The following MYO1H variants were observed in gnomAD, a reference collection of about 807,000 sequenced individuals.
MYO1H encodes myosin IH.
MYO1H carries 118 observed loss-of-function variants against 149.3 expected under a neutral mutation model. The observed-to-expected ratio is 0.79, with a 90% CI of 0.68 to 0.92. MYO1H has a LOEUF of 0.92. Among genes scored for constraint, MYO1H ranks in the 40% least tolerant of loss-of-function variants. The pLI is 0.00. For synonymous variants in MYO1H, 447 were observed against 465.2 expected (o/e 0.96, Z 0.50); for missense variants, 1,212 against 1,280.7 (o/e 0.95, Z 0.82).
chr12:109,427,634 C>T (rs1013856255), intron 19 of MYO1H, 48 bp downstream of exon 19: 3 of 1,305,364 alleles, frequency 2.3e-6, no homozygotes, highest in African/African-American at 1.4e-5. Flanking sequence ...GTGCCTACTA[C>T]ATGAGAATCT....
At chr12:109,340,330 G>A in the MYO1H span, among the ~76,000 whole-genome samples, 76 of 152,148 alleles carry the variant, frequency 5.0e-4, 1 homozygote, top group African/African-American at 1.7e-3. Flanking sequence ...ACAGGCGCCC[G>A]GCTAATTTTT....
chr12:109,440,701 G>C (rs1307254313), intron 24 of MYO1H, 43 bp from the exon 25 acceptor site: 1 of 1,416,600 alleles, frequency 7.1e-7, no homozygotes, highest in African/African-American at 1.4e-5. Flanking sequence ...CCCCAGACAG[G>C]GAGTGAGTGA....
intron 1 of MYO1H, among the ~76,000 whole-genome samples, chr12:109,352,357 A>G (rs772877571): frequency 1.2e-4 from 18 of 152,178 alleles, no homozygotes; most frequent in Non-Finnish European, 2.5e-4. Flanking sequence ...TTCAGCCCTC[A>G]TCTCTCACCT....
intron 7 of MYO1H, among the ~76,000 whole-genome samples, chr12:109,405,310 A>G (rs762452713): frequency 3.9e-5 from 6 of 152,152 alleles, no homozygotes; most frequent in Non-Finnish European, 8.8e-5. Context: ...AGTATTTTAT[A>G]AATTATTTTT....
intron 1 of MYO1H, among the ~76,000 whole-genome samples, chr12:109,360,324 TG>T (rs1187255463): frequency 6.6e-6 from 1 of 152,134 alleles, no homozygotes; most frequent in Non-Finnish European, 1.5e-5. Flanking sequence ...ACAAAATTAA[TG>T]GGAGTTTCTG....
intron 24 of MYO1H, 98 bp from the exon 25 acceptor site, chr12:109,440,646 T>A: frequency 1.2e-6 from 1 of 845,168 alleles, no homozygotes; most frequent in East Asian, 2.7e-5. Flanking sequence ...GAAATCAAAC[T>A]GAATTCAGCA....
chr12:109,394,376 G>A lies in MYO1H; in HGVS notation c.290+930G>A, dbSNP rs1869802730. Among the ~76,000 whole-genome samples, 3 of 152,252 alleles carry A rather than the reference G, an allele frequency of 2.0e-5. No homozygotes were observed. In the South Asian group the frequency reaches 6.2e-4, roughly 32 times the overall value. ...GTTACACATTAATTCAGAGTTTCTAGAGCCATTTCACAGAAGCTAGAAAAT... is the reference window on the plus strand; with the variant it reads ...GTTACACATTAATTCAGAGTTTCTAAAGCCATTTCACAGAAGCTAGAAAAT... On this transcript the variant is annotated intron_variant, in intron 3 of 31. Coordinates refer to ENST00000310903, the Ensembl canonical transcript of MYO1H.
intron 28 of MYO1H, 32 bp downstream of exon 28, chr12:109,443,681 C>T (rs1260836487): frequency 1.2e-6 from 2 of 1,610,296 alleles, no homozygotes; most frequent in Non-Finnish European, 1.7e-6. Context: ...AAACAATGCA[C>T]TGAGTTGACT....
the MYO1H span, among the ~76,000 whole-genome samples, chr12:109,313,731 G>A: frequency 6.6e-6 from 1 of 152,010 alleles, no homozygotes; most frequent in East Asian, 1.9e-4. Flanking sequence ...AGCCTGTTAT[G>A]GACTATGATC....
chr12:109,367,735 G>A (rs1157161877), intron 1 of MYO1H, among the ~76,000 whole-genome samples: 3 of 151,902 alleles, frequency 2.0e-5, no homozygotes, highest in Admixed American at 6.6e-5. Context: ...TGTATTTTTA[G>A]TAGAGACAGG....
chr12:109,433,022 G>A lies in MYO1H; in HGVS notation c.2063+12G>A. ...TACAAGTTAGGCAAGTAAGTGACCA[G>A]AAGACCACCAAATGGTCTCTTCCCT... On this transcript the variant is annotated intron_variant, in intron 20 of 31. Transcript: ENST00000310903. 1 of 1,604,138 alleles carries A rather than the reference G, an allele frequency of 6.2e-7. No individual in the cohort carries two copies. Among genetic ancestry groups the A allele is most frequent in the Non-Finnish European group, 8.5e-7 (1 of 1,170,974 alleles).
intron 3 of MYO1H, among the ~76,000 whole-genome samples, chr12:109,394,026 C>CCT (rs1398520259): frequency 2.0e-5 from 3 of 152,160 alleles, no homozygotes; most frequent in Admixed American, 2.0e-4. Flanking sequence ...TTTCTTCATT[C>CCT]CTCTCCCCTA....
At chr12:109,396,897 G>C (rs1054400454) in intron 4 of MYO1H, among the ~76,000 whole-genome samples, 1 of 125,194 alleles carries the variant, frequency 8.0e-6, no homozygotes, top group Non-Finnish European at 1.6e-5. Context: ...GCACAATCTC[G>C]GCTCACAGAA....
intron 1 of MYO1H, among the ~76,000 whole-genome samples, chr12:109,367,170 G>A (rs1868881947): frequency 6.6e-6 from 1 of 152,132 alleles, no homozygotes; most frequent in Non-Finnish European, 1.5e-5. Flanking sequence ...AGTTTCATAA[G>A]CAAAGTCAAA....
intron 1 of MYO1H, among the ~76,000 whole-genome samples, chr12:109,374,054 A>G (rs1011966791): frequency 6.6e-6 from 1 of 152,230 alleles, no homozygotes; most frequent in Non-Finnish European, 1.5e-5. Flanking sequence ...TAAACTACAT[A>G]TACTCTTATG....
chr12:109,316,878 G>A, the MYO1H span, among the ~76,000 whole-genome samples: 1 of 152,160 alleles, frequency 6.6e-6, no homozygotes, highest in Non-Finnish European at 1.5e-5. Context: ...AACCTACCAA[G>A]TGCATATATA....
chr12:109,330,780 AT>A, the MYO1H span, among the ~76,000 whole-genome samples: 1 of 152,182 alleles, frequency 6.6e-6, no homozygotes, highest in African/African-American at 2.4e-5. Flanking sequence ...GTGAAATTGC[AT>A]TGTGGGATTT....
At chr12:109,333,351 C>A in the MYO1H span, among the ~76,000 whole-genome samples, 1 of 151,970 alleles carries the variant, frequency 6.6e-6, no homozygotes, top group East Asian at 1.9e-4. Context: ...TACCTAGAGG[C>A]CTGAGGGAGC....
intron 27 of MYO1H, among the ~76,000 whole-genome samples, chr12:109,443,295 T>C (rs1872310901): frequency 6.8e-6 from 1 of 146,580 alleles, no homozygotes; most frequent in African/African-American, 2.5e-5. Context: ...CGTATATATG[T>C]GTGTATATAT....
Sources: gnomAD v4.1 joint callset for allele counts (sites outside exome capture counted in the v4.1 genomes callset) on GRCh38, gnomAD v4.1.1 for gene constraint, MANE v1.5 for transcripts, NCBI Gene and HGNC (gene_info 2026-07-23, HGNC 2026-07-21) for gene names.